The following DSCAML1 variants were observed in gnomAD, a reference collection of about 807,000 sequenced individuals.
DSCAML1 encodes DS cell adhesion molecule like 1.
Under a neutral mutation model 200.5 loss-of-function variants are expected in DSCAML1, and 38 were observed. The observed-to-expected ratio is 0.19, with a 90% CI of 0.15 to 0.25. The LOEUF (loss-of-function observed/expected upper bound fraction) is 0.25, where lower values mean the gene tolerates loss of function less well. Ranked by LOEUF, DSCAML1 falls within the 10% of genes least tolerant of loss-of-function variation. The pLI is 1.00. For synonymous variants in DSCAML1, 1,215 were observed against 1,165.0 expected, an observed-to-expected ratio of 1.04 and a Z score of -0.87; for missense variants, 2,223 against 2,858.8, an observed-to-expected ratio of 0.78 and a Z score of 5.07.
chr11:117,605,187 C>G (rs1262478129), intron 3 of DSCAML1, among the ~76,000 whole-genome samples: 1 of 152,092 alleles, frequency 6.6e-6, no homozygotes. Context: ...CGCCACCATG[C>G]CCGGCTGCTC....
intron 3 of DSCAML1, among the ~76,000 whole-genome samples, chr11:117,682,641 A>G (rs1169781538): frequency 6.6e-6 from 1 of 152,152 alleles, no homozygotes; most frequent in Admixed American, 6.5e-5. Context: ...CCTCCAGCCC[A>G]TGCATAAAGG....
intron 4 of DSCAML1, among the ~76,000 whole-genome samples, chr11:117,525,352 A>T (rs1387737599): frequency 6.6e-6 from 1 of 152,140 alleles, no homozygotes; most frequent in Non-Finnish European, 1.5e-5. Context: ...GACTAGAGTG[A>T]CAGACAGAGA....
intron 3 of DSCAML1, among the ~76,000 whole-genome samples, chr11:117,595,087 C>CACACACACACACAT (rs1307266328): frequency 6.6e-6 from 1 of 151,956 alleles, no homozygotes; most frequent in African/African-American, 2.4e-5. Context: ...CACACACACA[C>CACACACACACACAT]ACCCTTTGAT....
intron 3 of DSCAML1, among the ~76,000 whole-genome samples, chr11:117,586,838 T>C (rs892387220): frequency 3.3e-5 from 5 of 152,208 alleles, no homozygotes; most frequent in African/African-American, 1.2e-4. Flanking sequence ...GTGTTAGTGA[T>C]TGCTGAGTCC....
At chr11:117,566,828 G>C (rs1487546364) in intron 3 of DSCAML1, among the ~76,000 whole-genome samples, 1 of 150,940 alleles carries the variant, frequency 6.6e-6, no homozygotes, top group East Asian at 1.9e-4. Context: ...AATATGCGGT[G>C]TTTGGTTTTT....
At chr11:117,577,815 C>T (rs1009806516) in intron 3 of DSCAML1, among the ~76,000 whole-genome samples, 7 of 151,834 alleles carry the variant, frequency 4.6e-5, no homozygotes, top group African/African-American at 1.7e-4. Flanking sequence ...GATCCACCCG[C>T]CTCGGTCTAC....
chr11:117,499,593 A>C (rs1004022683), intron 11 of DSCAML1, among the ~76,000 whole-genome samples: 1 of 152,218 alleles, frequency 6.6e-6, no homozygotes, highest in Non-Finnish European at 1.5e-5. Context: ...AATGACCTTG[A>C]TCTAATCTCT....
In DSCAML1 at chr11:117,498,847, A is replaced by G. The variant is rs1428274230; in HGVS notation, c.2359+4998T>C. On this transcript the variant is annotated intron_variant, in intron 11 of 32. Coordinates refer to ENST00000651296, the MANE Select transcript of DSCAML1 (RefSeq NM_020693.4). The surrounding 1 kb of genome is among the most constrained non-coding windows in gnomAD (Gnocchi z 4.0). ...ATTTTAATTGGTCTGACATTTTGCT[A>G]AACAAATAAATCAAAACTCAGACCA... is the stretch of plus-strand genomic sequence containing the variant. Among the ~76,000 whole-genome samples, 1 of 152,118 alleles carries G rather than the reference A, an allele frequency of 6.6e-6. No homozygotes were observed. Among genetic ancestry groups the G allele is most frequent in the East Asian group, 1.9e-4 (1 of 5,188 alleles).
intron 3 of DSCAML1, among the ~76,000 whole-genome samples, chr11:117,552,938 G>T (rs2050494798): frequency 6.6e-6 from 1 of 152,200 alleles, no homozygotes; most frequent in Non-Finnish European, 1.5e-5. Context: ...GCTGGCCCGG[G>T]GAAGTGCGTG....
chr11:117,554,874 T>G (rs1270098727), intron 3 of DSCAML1, among the ~76,000 whole-genome samples: 1 of 152,210 alleles, frequency 6.6e-6, no homozygotes, highest in African/African-American at 2.4e-5. Context: ...TTGGCCACGC[T>G]GTTGTGGAGG....
At chr11:117,627,944 C>G (rs988947151) in intron 3 of DSCAML1, among the ~76,000 whole-genome samples, 1 of 152,088 alleles carries the variant, frequency 6.6e-6, no homozygotes, top group African/African-American at 2.4e-5. Flanking sequence ...ACCATGGGCC[C>G]CTATGCACCC....
intron 18 of DSCAML1, among the ~76,000 whole-genome samples, chr11:117,461,131 G>A (rs1174175285): frequency 1.3e-5 from 2 of 151,922 alleles, no homozygotes; most frequent in African/African-American, 4.8e-5. Flanking sequence ...AACACACACT[G>A]TTGTCCAGGA....
At chr11:117,688,007 C>T (rs1197703436) in intron 3 of DSCAML1, among the ~76,000 whole-genome samples, 4 of 152,172 alleles carry the variant, frequency 2.6e-5, no homozygotes, top group African/African-American at 4.8e-5. Flanking sequence ...CAAGCATGGC[C>T]AAGCCATTCC....
intron 14 of DSCAML1, among the ~76,000 whole-genome samples, chr11:117,477,004 C>A (rs1188178527): frequency 1.3e-5 from 2 of 152,102 alleles, no homozygotes; most frequent in Admixed American, 6.5e-5. Flanking sequence ...CCATGTATGT[C>A]ATCACACTCC....
At chr11:117,752,579 A>G (rs1213819835) in intron 3 of DSCAML1, among the ~76,000 whole-genome samples, 2 of 152,066 alleles carry the variant, frequency 1.3e-5, no homozygotes, top group Admixed American at 6.5e-5. Context: ...GCAGCCCGAG[A>G]ATGTCTTCTT....
Position 117,428,723 on chromosome 11 carries a change from C to T in DSCAML1, c.5767G>A (p.Val1923Ile), listed in dbSNP as rs2047719231. The change falls in exon 33 of 33, where the codon GTC (valine) becomes ATC (isoleucine). Residue 1923 changes from valine (V) to isoleucine (I), a missense_variant. Around this residue, in one of 7 missense-constraint regions of DSCAML1, gnomAD observed 280 missense variants for 213.4 expected, o/e 1.31. Coordinates refer to ENST00000651296, the MANE Select transcript of DSCAML1 (RefSeq NM_020693.4). Reference protein sequence around the residue: ...KADGREPCPVVPPREASIRNL... With the variant: ...KADGREPCPVIPPREASIRNL... ...CGGATGGAGGCCTCACGGGGTGGGA[C>T]CACGGGGCAGGGCTCACGTCCATCT... 1 of 1,613,222 alleles carries T rather than the reference C, an allele frequency of 6.2e-7. No homozygotes were observed. Among genetic ancestry groups the T allele is most frequent in the Non-Finnish European group, 8.5e-7 (1 of 1,179,762 alleles).
intron 4 of DSCAML1, among the ~76,000 whole-genome samples, chr11:117,529,815 C>T (rs766588340): frequency 1.3e-5 from 2 of 152,014 alleles, no homozygotes; most frequent in Non-Finnish European, 2.9e-5. Flanking sequence ...AACCCAAGTG[C>T]AATGGGGAGG....
rs7940175 is a variant in DSCAML1, at chr11:117,463,633, C to T, written c.3265+1309G>A. On this transcript the variant is annotated intron_variant, in intron 17 of 32. Transcript: ENST00000651296. The surrounding 1 kb of genome is among the most constrained non-coding windows in gnomAD (Gnocchi z 4.0). ...TCCTCAATCCAGCCAGGCCCGAGGCCAGCATCTCAGGGTGGGAGGGATGGA... is the reference window on the plus strand; with the variant it reads ...TCCTCAATCCAGCCAGGCCCGAGGCTAGCATCTCAGGGTGGGAGGGATGGA... Among the ~76,000 whole-genome samples the T allele has an allele frequency of 0.17, 25,314 of 152,094 alleles. 3,332 individuals are homozygous for T. Among genetic ancestry groups the T allele is most frequent in the East Asian group, 0.46 (2,356 of 5,154 alleles).
chr11:117,539,970 C>T (rs1387493794), intron 3 of DSCAML1, among the ~76,000 whole-genome samples: 3 of 152,182 alleles, frequency 2.0e-5, no homozygotes, highest in Admixed American at 6.5e-5. Flanking sequence ...TGGGCACGTG[C>T]TTCAACATGG....
Sources: allele counts gnomAD v4.1 joint callset (sites outside exome capture counted in the v4.1 genomes callset), GRCh38; gene constraint gnomAD v4.1.1; regional missense constraint gnomAD v4.1.1; non-coding constraint Gnocchi (gnomAD v3.1); transcripts MANE v1.5; gene names NCBI Gene and HGNC (gene_info 2026-07-23, HGNC 2026-07-21).